The following CACNA1D variants were observed in gnomAD, a reference collection of about 807,000 sequenced individuals.
CACNA1D encodes calcium voltage-gated channel subunit alpha1 D.
In CACNA1D, 55 loss-of-function variants were observed where a neutral mutation model predicts 257.1. The observed-to-expected ratio is 0.21, with a 90% CI of 0.17 to 0.27. CACNA1D has a LOEUF of 0.27. Among genes scored for constraint, CACNA1D ranks in the 10% least tolerant of loss-of-function variants. CACNA1D has a pLI of 1.00. For synonymous variants in CACNA1D, 980 were observed against 1,014.9 expected (o/e 0.97, Z 0.65); for missense variants, 1,876 against 2,784.0 (o/e 0.67, Z 7.34).
chr3:53,539,153 A>G (rs901146087), intron 3 of CACNA1D, among the ~76,000 whole-genome samples: 2 of 151,868 alleles, frequency 1.3e-5, no homozygotes, highest in African/African-American at 4.8e-5. Context: ...TCTGTCGCCC[A>G]GGCTGGAGTG....
intron 3 of CACNA1D, among the ~76,000 whole-genome samples, chr3:53,625,634 G>A (rs563624591): frequency 6.6e-6 from 1 of 152,262 alleles, no homozygotes; most frequent in South Asian, 2.1e-4. Context: ...TTAGGGAGGG[G>A]GACATGTGTT....
chr3:53,739,279 G>A (rs922298698), intron 20 of CACNA1D, among the ~76,000 whole-genome samples: 2 of 152,212 alleles, frequency 1.3e-5, no homozygotes, highest in African/African-American at 4.8e-5. Flanking sequence ...ATTAGGCCTG[G>A]GTGGTCTCCA....
chr3:53,683,844 T>C (rs576137053), intron 8 of CACNA1D, among the ~76,000 whole-genome samples: 1 of 152,118 alleles, frequency 6.6e-6, no homozygotes, highest in East Asian at 1.9e-4. Flanking sequence ...CACAGGAGAA[T>C]AAAGAGATTG....
chr3:53,576,581 C>G (rs970481732), intron 3 of CACNA1D, among the ~76,000 whole-genome samples: 1 of 152,188 alleles, frequency 6.6e-6, no homozygotes, highest in Non-Finnish European at 1.5e-5. Context: ...GACCCCATAA[C>G]CCTTCCAGCC....
intron 8 of CACNA1D, among the ~76,000 whole-genome samples, chr3:53,695,677 G>T (rs747817): frequency 0.01 from 1,570 of 152,296 alleles, 27 homozygotes; most frequent in African/African-American, 0.036. Flanking sequence ...CCAAATAGTC[G>T]TGTAAGAAAG....
intron 3 of CACNA1D, among the ~76,000 whole-genome samples, chr3:53,619,268 C>G (rs1182220714): frequency 6.6e-6 from 1 of 152,174 alleles, no homozygotes; most frequent in Non-Finnish European, 1.5e-5. Context: ...TCTCATGCCT[C>G]CTGTCTCCTG....
rs1039674790 is a variant in CACNA1D at position 53,800,572 on chromosome 3, G to A, written c.5040+207G>A. On this transcript the variant is annotated intron_variant, in intron 41 of 47. Coordinates refer to ENST00000350061, the MANE Select transcript of CACNA1D (RefSeq NM_001128840.3). The surrounding 1 kb of genome is among the most constrained non-coding windows in gnomAD (Gnocchi z 4.3). ...CTAGGGCCAGGCCAGCTCTTTCCCT[G>A]AGCTTACCCAGCTTCCCCTCACTGC... is the stretch of plus-strand genomic sequence containing the variant. 4.7e-6 allele frequency: 3 copies of A among 632,832 alleles called. No homozygotes were observed. The highest frequency in any genetic ancestry group is 3.6e-5 in the African/African-American group (2 of 55,398). 39.2% of individuals were successfully genotyped at this position (632,832 alleles called of 1,614,324 possible). A position where few individuals can be genotyped will look rare whatever the true frequency, so the allele number is the denominator to read the frequency against.
In CACNA1D at chr3:53,666,608, T is replaced by A; in HGVS notation, c.1116+73T>A. On this transcript the variant is annotated intron_variant, in intron 7 of 47. Transcript: ENST00000350061. ...AGTGGGTTTTGTGAGCTAGAGCCAC[T>A]GGAGAGGTGGCTGGAAAAGAAACCC... 5 of 1,245,752 alleles carry A rather than the reference T, an allele frequency of 4.0e-6. No individual in the cohort carries two copies. The South Asian group carries it at 6.0e-5, about 15-fold the overall frequency. 77.2% of individuals were successfully genotyped at this position (1,245,752 alleles called of 1,614,324 possible).
intron 27 of CACNA1D, among the ~76,000 whole-genome samples, chr3:53,749,974 G>A (rs1012756638): frequency 6.6e-6 from 1 of 152,186 alleles, no homozygotes; most frequent in African/African-American, 2.4e-5. Context: ...GTCTTCCCCT[G>A]GTAGCAGTAA....
chr3:53,585,307 A>C (rs2093196208), intron 3 of CACNA1D, among the ~76,000 whole-genome samples: 1 of 152,186 alleles, frequency 6.6e-6, no homozygotes, highest in South Asian at 2.1e-4. Context: ...TTAGGGAGCC[A>C]GGATACTGGG....
intron 37 of CACNA1D, among the ~76,000 whole-genome samples, chr3:53,779,210 A>G (rs1324074719): frequency 6.6e-6 from 1 of 152,198 alleles, no homozygotes; most frequent in Non-Finnish European, 1.5e-5. Context: ...GATTAGTGAA[A>G]AAAAGGAGAA....
chr3:53,497,613 T>C (rs1351133320), intron 2 of CACNA1D, 152 bp downstream of exon 2: 6 of 773,582 alleles, frequency 7.8e-6, no homozygotes, highest in Admixed American at 4.6e-5. Context: ...TATACCTTCC[T>C]GTCTCTTCGG....
intron 30 of CACNA1D, among the ~76,000 whole-genome samples, chr3:53,766,453 G>A (rs1291218710): frequency 6.6e-6 from 1 of 152,232 alleles, no homozygotes; most frequent in Non-Finnish European, 1.5e-5. Context: ...GCTGTTCTGG[G>A]ATGCTGGTTT....
chr3:53,725,707 A>G (rs1003862385), intron 14 of CACNA1D, among the ~76,000 whole-genome samples: 7 of 152,210 alleles, frequency 4.6e-5, no homozygotes, highest in African/African-American at 9.7e-5. Context: ...GTCTTTTCCT[A>G]TGACTCAGAG....
chr3:53,747,509 C>G (rs760021691), intron 26 of CACNA1D, 61 bp downstream of exon 26: 1 of 1,542,028 alleles, frequency 6.5e-7, no homozygotes, highest in Admixed American at 1.7e-5. Context: ...GCTGAGCCCT[C>G]CCTCCTGGAG....
intron 29 of CACNA1D, among the ~76,000 whole-genome samples, chr3:53,757,762 A>G (rs2095274648): frequency 6.6e-6 from 1 of 152,070 alleles, no homozygotes; most frequent in Non-Finnish European, 1.5e-5. Context: ...TTCCCTGCCC[A>G]TGCGCCTCTG....
At chr3:53,632,117 G>A (rs1004786911) in intron 3 of CACNA1D, among the ~76,000 whole-genome samples, 6 of 152,172 alleles carry the variant, frequency 3.9e-5, no homozygotes, top group Admixed American at 3.9e-4. Context: ...AAAAATCGTC[G>A]ATGGGATCTC....
chr3:53,506,235 C>A (rs1009749597), intron 3 of CACNA1D, among the ~76,000 whole-genome samples: 4 of 152,200 alleles, frequency 2.6e-5, no homozygotes, highest in African/African-American at 4.8e-5. Context: ...TCCCTTCAGC[C>A]TTCTCTGATA....
At chr3:53,755,505 G>C (rs2095258073) in intron 29 of CACNA1D, among the ~76,000 whole-genome samples, 1 of 152,206 alleles carries the variant, frequency 6.6e-6, no homozygotes, top group Admixed American at 6.5e-5. Flanking sequence ...CGATACCAAA[G>C]GGAAGTGAGT....
Sources: allele counts gnomAD v4.1 joint callset (sites outside exome capture counted in the v4.1 genomes callset), GRCh38; gene constraint gnomAD v4.1.1; non-coding constraint Gnocchi (gnomAD v3.1); transcripts MANE v1.5; gene names NCBI Gene and HGNC (gene_info 2026-07-23, HGNC 2026-07-21).